DIAPH3: variants seen among roughly 807,000 people sequenced by gnomAD.
DIAPH3 encodes the protein diaphanous related formin 3, also known as protein diaphanous homolog 3.
DIAPH3 carries 117 observed loss-of-function variants against 144.3 expected under a neutral mutation model. That is an observed-to-expected ratio of 0.81 (90% CI 0.70 to 0.95). The LOEUF (loss-of-function observed/expected upper bound fraction) is 0.95. Ranked by LOEUF, DIAPH3 falls within the 40% of genes least tolerant of loss-of-function variation. DIAPH3 has a pLI of 0.00. For missense variants in DIAPH3, 1,421 were observed against 1,412.7 expected (o/e 1.01, Z -0.09); for synonymous variants, 519 against 488.9 (o/e 1.06, Z -0.81).
intron 5 of DIAPH3, among the ~76,000 whole-genome samples, chr13:60,032,779 A>G (rs987237816): frequency 1.3e-5 from 2 of 152,230 alleles, no homozygotes; most frequent in African/African-American, 4.8e-5. Flanking sequence ...TAGTTATGCA[A>G]ATTTGTCTAG....
rs921086796 is a variant in DIAPH3, at chr13:60,015,992, C to T, written c.702-10G>A. On this transcript the variant is annotated splice_polypyrimidine_tract_variant and intron_variant, in intron 6 of 27. Coordinates refer to ENST00000400324, the MANE Select transcript of DIAPH3 (RefSeq NM_001042517.2). The stretch of plus-strand genomic sequence containing the variant: ...TACAACTTTTTCTTGGCTGTATTGA[C>T]ATAAAAAATAGCAGTGTTGGAATTA... The T allele has an allele frequency of 4.3e-6, 7 of 1,612,182 alleles. No individual in the cohort carries two copies. The highest frequency in any genetic ancestry group is 5.9e-6 in the Non-Finnish European group (7 of 1,178,862).
chr13:60,159,257 C>T (rs1189060248), intron 1 of DIAPH3, among the ~76,000 whole-genome samples: 2 of 152,064 alleles, frequency 1.3e-5, no homozygotes, highest in Non-Finnish European at 2.9e-5. Context: ...GCTAATGGTT[C>T]CTGGATGAGA....
chr13:60,052,863 A>C (rs2056401916), intron 4 of DIAPH3, among the ~76,000 whole-genome samples: 1 of 147,086 alleles, frequency 6.8e-6, no homozygotes, highest in East Asian at 2.1e-4. Flanking sequence ...TGGGAGGCTG[A>C]GGCAGGAGAA....
intron 17 of DIAPH3, among the ~76,000 whole-genome samples, chr13:59,932,895 T>C (rs2048089097): frequency 6.6e-6 from 1 of 152,186 alleles, no homozygotes; most frequent in Non-Finnish European, 1.5e-5. Context: ...AATGAGTCTA[T>C]TATACAAAAA....
intron 1 of DIAPH3, among the ~76,000 whole-genome samples, chr13:60,152,023 T>A (rs1443318561): frequency 6.6e-6 from 1 of 152,192 alleles, no homozygotes; most frequent in Non-Finnish European, 1.5e-5. Context: ...AATTTGCAAA[T>A]CTTTTACTTA....
intron 4 of DIAPH3, among the ~76,000 whole-genome samples, chr13:60,077,695 T>C (rs780055440): frequency 6.6e-6 from 1 of 152,094 alleles, no homozygotes; most frequent in Non-Finnish European, 1.5e-5. Flanking sequence ...AAGGGAGTAT[T>C]CAGACACATA....
chr13:60,104,566 G>GCACACACACGCACACACACA (rs2058356014), intron 3 of DIAPH3, among the ~76,000 whole-genome samples: 1 of 147,026 alleles, frequency 6.8e-6, no homozygotes, highest in Non-Finnish European at 1.5e-5. Context: ...CAGTATCAAG[G>GCACACACACGCACACACACA]CACACACACA....
At chr13:59,842,419 T>C (rs1301645460) in intron 22 of DIAPH3, among the ~76,000 whole-genome samples, 4 of 152,166 alleles carry the variant, frequency 2.6e-5, no homozygotes, top group Non-Finnish European at 4.4e-5. Context: ...ATAGATTGTT[T>C]GATTTTTTCT....
intron 27 of DIAPH3, among the ~76,000 whole-genome samples, chr13:59,772,165 G>C (rs1248302608): frequency 6.6e-6 from 1 of 151,936 alleles, no homozygotes; most frequent in African/African-American, 2.4e-5. Context: ...GATTTCCAAT[G>C]AACTCCAAAA....
chr13:60,096,345 T>C (rs1487496162), intron 3 of DIAPH3, among the ~76,000 whole-genome samples: 2 of 152,200 alleles, frequency 1.3e-5, no homozygotes, highest in Non-Finnish European at 2.9e-5. Context: ...GAAATAAAAT[T>C]TCAAGGTGAG....
At chr13:59,688,696 A>G (rs946754015) in intron 27 of DIAPH3, among the ~76,000 whole-genome samples, 1 of 152,068 alleles carries the variant, frequency 6.6e-6, no homozygotes, top group African/African-American at 2.4e-5. Flanking sequence ...TTTAAGTGAA[A>G]TCATGCTTCA....
At chr13:59,923,145 A>C (rs977020736) in intron 18 of DIAPH3, among the ~76,000 whole-genome samples, 1 of 152,310 alleles carries the variant, frequency 6.6e-6, no homozygotes, top group Non-Finnish European at 1.5e-5. Context: ...GTGTTCAAAA[A>C]GTTATTTAAC....
At chr13:59,778,542 T>C (rs936972443) in intron 25 of DIAPH3, among the ~76,000 whole-genome samples, 2 of 152,272 alleles carry the variant, frequency 1.3e-5, no homozygotes, top group African/African-American at 4.8e-5. Context: ...AGCTCATAGA[T>C]GGACAGGGGT....
At chr13:60,040,254 A>G (rs1191486354) in intron 5 of DIAPH3, among the ~76,000 whole-genome samples, 1 of 138,154 alleles carries the variant, frequency 7.2e-6, no homozygotes, top group Non-Finnish European at 1.6e-5. Flanking sequence ...AAAAAAAAGG[A>G]TCTTCTCAAT....
At chr13:60,118,473 G>T (rs899594335) in intron 2 of DIAPH3, among the ~76,000 whole-genome samples, 4 of 152,086 alleles carry the variant, frequency 2.6e-5, no homozygotes, top group African/African-American at 9.7e-5. Context: ...AAATCCAGGA[G>T]AATTATTAAG....
At chr13:59,824,598 C>A (rs1185609211) in intron 24 of DIAPH3, among the ~76,000 whole-genome samples, 1 of 151,976 alleles carries the variant, frequency 6.6e-6, no homozygotes, top group Non-Finnish European at 1.5e-5. Context: ...TCATCACAGG[C>A]AATTAAGATG....
intron 21 of DIAPH3, among the ~76,000 whole-genome samples, chr13:59,867,170 T>C (rs1283966438): frequency 6.6e-6 from 1 of 150,962 alleles, no homozygotes; most frequent in Non-Finnish European, 1.5e-5. Context: ...AATGAAAATC[T>C]TGAAGTAAAT....
intron 1 of DIAPH3, among the ~76,000 whole-genome samples, chr13:60,140,752 G>A (rs1026540720): frequency 2.0e-5 from 3 of 151,920 alleles, no homozygotes; most frequent in African/African-American, 7.2e-5. Flanking sequence ...TTCAGATTGA[G>A]CAGAAAATAC....
At position 60,008,391 on chromosome 13, in the gene DIAPH3, G is replaced by A. The variant is rs150579297; in HGVS notation, c.1014+153C>T. On this transcript the variant is annotated intron_variant, in intron 9 of 27. Coordinates refer to ENST00000400324, the MANE Select transcript of DIAPH3 (RefSeq NM_001042517.2). ...AGCCTGGGCGACAAAGCAAGACTCC[G>A]TCTCAAATAAATAAATAAATAAATA... 9.2e-3 allele frequency among the ~76,000 whole-genome samples: 1,404 copies of A among 151,936 alleles called. 26 individuals carry two copies. The highest frequency in any genetic ancestry group is 0.032 in the African/African-American group (1,324 of 41,370).
Sources: gnomAD v4.1 joint callset for allele counts (sites outside exome capture counted in the v4.1 genomes callset) on GRCh38, gnomAD v4.1.1 for gene constraint, MANE v1.5 for transcripts, NCBI Gene and HGNC (gene_info 2026-07-23, HGNC 2026-07-21) for gene names.